Variants in SMAP1 observed in about 807,000 individuals in gnomAD.
SMAP1 encodes stromal membrane-associated protein 1.
Under a neutral mutation model 58.5 loss-of-function variants are expected in SMAP1, and 24 were observed. The observed-to-expected ratio is 0.41, with a 90% CI of 0.30 to 0.58. SMAP1 has a LOEUF of 0.58. SMAP1 is among the 20% of genes least tolerant of loss of function. SMAP1 has a pLI of 0.29. For synonymous variants in SMAP1, 216 were observed against 196.6 expected (o/e 1.10, Z -0.82); for missense variants, 563 against 566.3 (o/e 0.99, Z 0.06).
At chr6:70,771,189 A>G (rs963687284) in intron 3 of SMAP1, among the ~76,000 whole-genome samples, 3 of 152,200 alleles carry the variant, frequency 2.0e-5, no homozygotes, top group Non-Finnish European at 4.4e-5. Flanking sequence ...TAGGCTGCTC[A>G]GAGGTCAGGG....
chr6:70,787,681 CA>C (rs1459581353), intron 4 of SMAP1, among the ~76,000 whole-genome samples: 2 of 151,654 alleles, frequency 1.3e-5, no homozygotes, highest in East Asian at 3.9e-4. Flanking sequence ...TTTATGCAGC[CA>C]AAAAACACAT....
At chr6:70,850,061 A>G (rs1771127419) in intron 7 of SMAP1, among the ~76,000 whole-genome samples, 1 of 152,236 alleles carries the variant, frequency 6.6e-6, no homozygotes, top group South Asian at 2.1e-4. Flanking sequence ...GTATTGCTAG[A>G]TACCAAATGT....
At chr6:70,680,512 A>G (rs755804941) in intron 1 of SMAP1, among the ~76,000 whole-genome samples, 3 of 152,214 alleles carry the variant, frequency 2.0e-5, no homozygotes, top group Non-Finnish European at 4.4e-5. Flanking sequence ...AGCATTATTC[A>G]TAATAGCCAA....
At chr6:70,753,872 T>C (rs904507691) in intron 2 of SMAP1, among the ~76,000 whole-genome samples, 12 of 152,046 alleles carry the variant, frequency 7.9e-5, no homozygotes, top group Non-Finnish European at 1.5e-5. Context: ...TAGTTTACTC[T>C]GAGAGAATAC....
chr6:70,677,697 C>T (rs894455254), intron 1 of SMAP1, among the ~76,000 whole-genome samples: 16 of 151,676 alleles, frequency 1.1e-4, no homozygotes, highest in South Asian at 4.2e-4. Flanking sequence ...TTTTTTGAGT[C>T]CTATTGAGAT....
chr6:70,792,605 A>G (rs765228531), intron 5 of SMAP1, among the ~76,000 whole-genome samples: 34 of 152,136 alleles, frequency 2.2e-4, no homozygotes, highest in Admixed American at 6.5e-4. Context: ...TATGCTCTGA[A>G]TAAGCATTAG....
At chr6:70,759,030 T>C (rs911192369) in intron 3 of SMAP1, among the ~76,000 whole-genome samples, 3 of 152,094 alleles carry the variant, frequency 2.0e-5, no homozygotes, top group Admixed American at 2.0e-4. Flanking sequence ...GAGGAGTCGC[T>C]TAGCATGTAG....
At chr6:70,820,740 A>G (rs927272390) in intron 6 of SMAP1, among the ~76,000 whole-genome samples, 1 of 151,842 alleles carries the variant, frequency 6.6e-6, no homozygotes, top group Non-Finnish European at 1.5e-5. Context: ...ATTGTTCAAG[A>G]TAATTTGATC....
chr6:70,736,563 A>G (rs1290987684), intron 2 of SMAP1, among the ~76,000 whole-genome samples: 1 of 152,240 alleles, frequency 6.6e-6, no homozygotes, highest in African/African-American at 2.4e-5. Flanking sequence ...AGTGATAGTT[A>G]TTAATGTTTA....
Position 70,675,333 on chromosome 6 carries a change from G to A in SMAP1, c.118+7192G>A. Among the ~76,000 whole-genome samples the A allele has an allele frequency of 1.3e-5, 2 of 151,086 alleles. 1 individual carries two copies. The highest frequency in any genetic ancestry group is 3.9e-4 in the East Asian group (2 of 5,118). On this transcript the variant is annotated intron_variant, in intron 1 of 10. Transcript: ENST00000370455. ...CCAGGTACACAGAACTTAAAGTAGT[G>A]GAGCCAGAAATTTTTTCATTAAAAA...
At chr6:70,680,023 C>T (rs909552037) in intron 1 of SMAP1, among the ~76,000 whole-genome samples, 5 of 152,044 alleles carry the variant, frequency 3.3e-5, no homozygotes, top group Admixed American at 3.3e-4. Context: ...AATACGTAGT[C>T]CAGAAATAGA....
chr6:70,768,350 G>A (rs559166941), intron 3 of SMAP1, among the ~76,000 whole-genome samples: 2 of 152,266 alleles, frequency 1.3e-5, no homozygotes, highest in South Asian at 4.1e-4. Flanking sequence ...TGTACCTCTG[G>A]TAGAATTCGG....
chr6:70,712,183 AGAT>A (rs1167962847), intron 1 of SMAP1, among the ~76,000 whole-genome samples: 2 of 152,198 alleles, frequency 1.3e-5, no homozygotes, highest in Non-Finnish European at 2.9e-5. Context: ...TCATTTATTG[AGAT>A]GATCATGTGG....
chr6:70,795,957 C>G (rs945099505), intron 5 of SMAP1, among the ~76,000 whole-genome samples: 1 of 151,852 alleles, frequency 6.6e-6, no homozygotes, highest in Admixed American at 6.6e-5. Flanking sequence ...AGGCTGGTCT[C>G]GAACTTCGTG....
At chr6:70,859,450 A>AAG in intron 10 of SMAP1, 2 of 1,328,434 alleles carry the variant, frequency 1.5e-6, no homozygotes, top group Non-Finnish European at 2.1e-6. Context: ...TCAGACACTT[A>AAG]TGCCTGATTA....
chr6:70,701,213 T>C (rs539291095), intron 1 of SMAP1, among the ~76,000 whole-genome samples: 2 of 152,256 alleles, frequency 1.3e-5, no homozygotes, highest in East Asian at 3.9e-4. Flanking sequence ...TCCTAGTAGC[T>C]GGGACTATAG....
intron 6 of SMAP1, among the ~76,000 whole-genome samples, chr6:70,815,998 G>C (rs893110698): frequency 2.6e-5 from 4 of 152,050 alleles, no homozygotes; most frequent in Non-Finnish European, 5.9e-5. Flanking sequence ...GTGATTAAAA[G>C]GGGATGATAT....
intron 4 of SMAP1, among the ~76,000 whole-genome samples, chr6:70,773,926 A>G (rs1315240806): frequency 1.3e-5 from 2 of 152,204 alleles, no homozygotes; most frequent in Admixed American, 6.5e-5. Flanking sequence ...TCAGGTACCC[A>G]TAACAAGGTT....
intron 3 of SMAP1, among the ~76,000 whole-genome samples, chr6:70,756,652 G>A (rs530878783): frequency 6.6e-6 from 1 of 152,062 alleles, no homozygotes; most frequent in Non-Finnish European, 1.5e-5. Flanking sequence ...CATTTCATTG[G>A]CCCAAGTGTT....
Sources: allele counts gnomAD v4.1 joint callset (sites outside exome capture counted in the v4.1 genomes callset), GRCh38; gene constraint gnomAD v4.1.1; transcripts MANE v1.5; gene names NCBI Gene and HGNC (gene_info 2026-07-23, HGNC 2026-07-21).